The following FGF23 variants were observed in gnomAD, a reference collection of about 807,000 sequenced individuals.
The protein encoded by FGF23 is fibroblast growth factor 23.
A neutral mutation model predicts 9.0 loss-of-function variants in FGF23; 8 were observed. The observed-to-expected ratio is 0.89, with a 90% CI of 0.52 to 1.60. The LOEUF (loss-of-function observed/expected upper bound fraction) is 1.60, where lower values mean the gene tolerates loss of function less well. Ranked by LOEUF, FGF23 falls within the 40% of genes most tolerant of loss-of-function variation. The pLI, the probability that FGF23 is intolerant of heterozygous loss-of-function variation, is 0.00. For synonymous variants in FGF23, 118 were observed against 146.2 expected (o/e 0.81, Z 1.39); for missense variants, 311 against 344.3 (o/e 0.90, Z 0.77).
chr12:4,377,420 G>GTTTT (rs1865128517), intron 1 of FGF23, among the ~76,000 whole-genome samples: 1 of 96,872 alleles, frequency 1.0e-5, no homozygotes, highest in African/African-American at 3.5e-5. Flanking sequence ...ATCACATATA[G>GTTTT]TCTTTTTTTT....
rs1865054012 is a variant in FGF23 at position 4,370,655 on chromosome 12, G to A, written c.444C>T (p.Gly148=). ...ACTGGGAGTACGGGGGTGGGTTCATGCCTGGCAGGAAGGCTCTCTTCGCCC... is the reference window on the plus strand; with the variant it reads ...ACTGGGAGTACGGGGGTGGGTTCATACCTGGCAGGAAGGCTCTCTTCGCCC... ...LGRAKRAFLP[G]MNPPPYSQFL... is the part of the protein sequence containing the mutation. The change falls in exon 3 of 3, where the codon GGC becomes GGT. Residue 148 remains glycine (G), a synonymous_variant. Transcript: ENST00000237837. 1 of 1,614,050 alleles carries A rather than the reference G, an allele frequency of 6.2e-7. No individual in the cohort carries two copies. The highest frequency in any genetic ancestry group is 8.5e-7 in the Non-Finnish European group (1 of 1,180,006).
intron 1 of FGF23, among the ~76,000 whole-genome samples, chr12:4,374,897 C>T (rs540659761): frequency 1.4e-3 from 215 of 152,178 alleles, no homozygotes; most frequent in Non-Finnish European, 2.2e-3. Context: ...AGACATCTTC[C>T]CACCACCCGG....
At chr12:4,378,051 C>G (rs1865137790) in intron 1 of FGF23, among the ~76,000 whole-genome samples, 1 of 152,170 alleles carries the variant, frequency 6.6e-6, no homozygotes, top group African/African-American at 2.4e-5. Flanking sequence ...CTCTGGAGTT[C>G]TGGAACCTGT....
At position 4,370,111 on chromosome 12, in the gene FGF23, T is replaced by C. The variant is rs1865044589; in HGVS notation, c.*232A>G. ...AAATTTCTAGTTTACCTGTTGGGGT[T>C]TCCTATTGGGAAAGGTGTTCTATAT... On this transcript the variant is annotated 3_prime_UTR_variant, in exon 3 of 3. Transcript: ENST00000237837. 4 of 542,090 alleles carry C rather than the reference T, an allele frequency of 7.4e-6. No homozygotes were observed. The highest frequency in any genetic ancestry group is 1.3e-5 in the Non-Finnish European group (4 of 305,878). 33.6% of individuals were successfully genotyped at this position (542,090 alleles called of 1,614,324 possible).
At chr12:4,374,350 C>T (rs1246402942) in intron 1 of FGF23, among the ~76,000 whole-genome samples, 2 of 151,538 alleles carry the variant, frequency 1.3e-5, no homozygotes, top group Admixed American at 6.6e-5. Context: ...ATATAAGGAA[C>T]GTGTAAGAAA....
intron 1 of FGF23, among the ~76,000 whole-genome samples, chr12:4,377,575 C>T (rs565691584): frequency 2.4e-3 from 358 of 148,876 alleles, no homozygotes; most frequent in African/African-American, 8.3e-3. Context: ...GGACTACAGG[C>T]GCCTGCCACC....
At chr12:4,378,978 A>G (rs1865148127) in intron 1 of FGF23, among the ~76,000 whole-genome samples, 3 of 152,224 alleles carry the variant, frequency 2.0e-5, no homozygotes, top group African/African-American at 2.4e-5. Flanking sequence ...TCCAAAGTCC[A>G]TGAGCTGAAA....
At chr12:4,373,266 A>G (rs888993065) in intron 1 of FGF23, among the ~76,000 whole-genome samples, 2 of 152,200 alleles carry the variant, frequency 1.3e-5, no homozygotes, top group African/African-American at 4.8e-5. Context: ...CTTCAAGACC[A>G]GGCTCAGGCG....
At chr12:4,372,924 G>T (rs1436687575) in intron 1 of FGF23, among the ~76,000 whole-genome samples, 1 of 152,104 alleles carries the variant, frequency 6.6e-6, no homozygotes, top group African/African-American at 2.4e-5. Flanking sequence ...TCATCTTGTT[G>T]CCTGTATGGG....
intron 2 of FGF23, among the ~76,000 whole-genome samples, chr12:4,372,002 AATG>A (rs1451280595): frequency 1.3e-5 from 2 of 151,890 alleles, no homozygotes; most frequent in African/African-American, 2.4e-5. Flanking sequence ...AGCCATAAAA[AATG>A]ATGAGTTCAT....
At chr12:4,373,634 G>A (rs545794578) in intron 1 of FGF23, among the ~76,000 whole-genome samples, 1 of 152,228 alleles carries the variant, frequency 6.6e-6, no homozygotes, top group South Asian at 2.1e-4. Flanking sequence ...CCATTCACAC[G>A]ACCTACCTCT....
At position 4,377,880 on chromosome 12, in the gene FGF23, G is replaced by A. The variant is rs573040002; in HGVS notation, c.211+1492C>T. Among the ~76,000 whole-genome samples, 167 of 152,284 alleles carry A rather than the reference G, an allele frequency of 1.1e-3. 1 individual carries two copies. The highest frequency in any genetic ancestry group is 3.4e-3 in the African/African-American group (141 of 41,566). ...TTGTGTCTTAGTTTTCAGCCACAGC[G>A]CTTGGTAGAATGCCAGGCACATGGT... On this transcript the variant is annotated intron_variant, in intron 1 of 2. Coordinates refer to ENST00000237837, the MANE Select transcript of FGF23 (RefSeq NM_020638.3).
intron 1 of FGF23, among the ~76,000 whole-genome samples, chr12:4,373,837 G>A (rs1865088842): frequency 6.6e-6 from 1 of 152,146 alleles, no homozygotes; most frequent in Admixed American, 6.6e-5. Flanking sequence ...AGAATTTCTA[G>A]GTGCATCTCA....
intron 1 of FGF23, among the ~76,000 whole-genome samples, chr12:4,377,722 A>G (rs61909253): frequency 0.83 from 125,504 of 150,980 alleles, 52,318 homozygotes; most frequent in Middle Eastern, 0.93. Context: ...GAGCCACCAC[A>G]CCTGGCCCAC....
In FGF23 at chr12:4,375,766, GA is replaced by G. The variant is rs1215842491; in HGVS notation, c.212-3070del. Among the ~76,000 whole-genome samples the G allele has an allele frequency of 6.6e-5, 10 of 152,326 alleles. No homozygotes were observed. In the East Asian group the frequency reaches 1.9e-3, roughly 29 times the overall value. ...TTTCACATATAAAATGAGGACAGCA[GA>G]AACATTTACCTCATTTGGTCATCTT... On this transcript the variant is annotated intron_variant, in intron 1 of 2. Transcript: ENST00000237837.
chr12:4,376,545 G>A (rs528457043), intron 1 of FGF23, among the ~76,000 whole-genome samples: 8 of 149,908 alleles, frequency 5.3e-5, no homozygotes, highest in Admixed American at 1.3e-4. Context: ...TTTTTGAGAC[G>A]GAGTCTCACT....
Position 4,376,192 on chromosome 12 carries a change from A to T in FGF23, c.211+3180T>A, listed in dbSNP as rs13312766. Among the ~76,000 whole-genome samples, 556 of 152,338 alleles carry T rather than the reference A, an allele frequency of 3.6e-3. 2 individuals are homozygous for T. The highest frequency in any genetic ancestry group is 0.013 in the African/African-American group (535 of 41,570). On this transcript the variant is annotated intron_variant, in intron 1 of 2. Coordinates refer to ENST00000237837, the MANE Select transcript of FGF23 (RefSeq NM_020638.3). ...TCATGGAACGGGTGATAAGGACACC[A>T]GAGGGGTACCTGGCAGCAGCGCTTG... is the stretch of plus-strand genomic sequence containing the variant.
chr12:4,374,903 C>G (rs575356150), intron 1 of FGF23, among the ~76,000 whole-genome samples: 1 of 152,266 alleles, frequency 6.6e-6, no homozygotes, highest in East Asian at 1.9e-4. Context: ...CTTCCCACCA[C>G]CCGGTAACAA....
At chr12:4,373,833 T>C (rs1283303978) in intron 1 of FGF23, among the ~76,000 whole-genome samples, 1 of 152,168 alleles carries the variant, frequency 6.6e-6, no homozygotes, top group Admixed American at 6.5e-5. Flanking sequence ...TCACAGAATT[T>C]CTAGGTGCAT....
Sources: allele counts gnomAD v4.1 joint callset (sites outside exome capture counted in the v4.1 genomes callset), GRCh38; gene constraint gnomAD v4.1.1; transcripts MANE v1.5; gene names NCBI Gene and HGNC (gene_info 2026-07-23, HGNC 2026-07-21).